Variants in LRP1B observed in about 807,000 individuals in gnomAD.
LRP1B encodes LDL receptor related protein 1B, also known as low-density lipoprotein receptor-related protein 1B.
A neutral mutation model predicts 556.6 loss-of-function variants in LRP1B; 217 were observed. The ratio of observed to expected loss-of-function variants is 0.39; its 90% CI spans 0.35 to 0.44. LRP1B has a LOEUF of 0.44. Ranked by LOEUF, LRP1B falls within the 20% of genes least tolerant of loss-of-function variation. LRP1B has a pLI of 1.00. For missense variants in LRP1B, 5,053 were observed against 5,620.8 expected (o/e 0.90, Z 3.23); for synonymous variants, 2,047 against 1,865.8 (o/e 1.10, Z -2.50).
chr2:141,329,511 G>T (rs1203239527), intron 3 of LRP1B, among the ~76,000 whole-genome samples: 1 of 151,932 alleles, frequency 6.6e-6, no homozygotes, highest in African/African-American at 2.4e-5. Context: ...GGGTGTGGTG[G>T]CGGGCACCTG....
chr2:141,771,000 A>G (rs921207911), intron 2 of LRP1B, among the ~76,000 whole-genome samples: 2 of 152,214 alleles, frequency 1.3e-5, no homozygotes, highest in African/African-American at 4.8e-5. Flanking sequence ...GGATTGAACC[A>G]CTGGACTGAC....
chr2:140,272,745 CAT>C (rs1558762340), intron 85 of LRP1B, among the ~76,000 whole-genome samples: 3 of 151,938 alleles, frequency 2.0e-5, no homozygotes, highest in African/African-American at 7.2e-5. Context: ...AATCATCTAA[CAT>C]GTTTCAGAAA....
At chr2:140,974,769 C>T (rs79026526) in intron 18 of LRP1B, among the ~76,000 whole-genome samples, 292 of 152,310 alleles carry the variant, frequency 1.9e-3, no homozygotes, top group African/African-American at 6.5e-3. Flanking sequence ...CAGAGAGAAA[C>T]CGATATTTGG....
At chr2:141,320,243 T>C (rs1687187518) in intron 3 of LRP1B, among the ~76,000 whole-genome samples, 1 of 152,128 alleles carries the variant, frequency 6.6e-6, no homozygotes, top group Non-Finnish European at 1.5e-5. Context: ...TTTATAATAA[T>C]TATGCAAACC....
chr2:140,611,967 G>A (rs1399673632), intron 41 of LRP1B, among the ~76,000 whole-genome samples: 1 of 152,038 alleles, frequency 6.6e-6, no homozygotes, highest in Non-Finnish European at 1.5e-5. Flanking sequence ...ACCTTAAAAT[G>A]TTTAAATGGA....
At chr2:141,309,394 G>T (rs1686725011) in intron 3 of LRP1B, among the ~76,000 whole-genome samples, 1 of 152,198 alleles carries the variant, frequency 6.6e-6, no homozygotes, top group Non-Finnish European at 1.5e-5. Context: ...TATGTTTGAT[G>T]CTATGGTCTG....
intron 1 of LRP1B, among the ~76,000 whole-genome samples, chr2:141,851,959 G>A (rs1483480799): frequency 6.6e-6 from 1 of 151,718 alleles, no homozygotes; most frequent in African/African-American, 2.4e-5. Flanking sequence ...CAATTTTAAA[G>A]CGGTGGCCCA....
At chr2:140,660,162 G>A (rs1685040293) in intron 41 of LRP1B, among the ~76,000 whole-genome samples, 1 of 151,636 alleles carries the variant, frequency 6.6e-6, no homozygotes, top group African/African-American at 2.4e-5. Flanking sequence ...CTCCTGCTCT[G>A]CAAAAGTGTT....
intron 1 of LRP1B, among the ~76,000 whole-genome samples, chr2:142,038,446 T>G (rs1465043729): frequency 6.6e-6 from 1 of 151,674 alleles, no homozygotes; most frequent in Non-Finnish European, 1.5e-5. Flanking sequence ...GTACATTTAG[T>G]TCTCAAGAAC....
At chr2:141,705,332 T>C (rs1403481378) in intron 2 of LRP1B, among the ~76,000 whole-genome samples, 2 of 151,954 alleles carry the variant, frequency 1.3e-5, no homozygotes, top group Admixed American at 6.6e-5. Flanking sequence ...CATTTCCTCA[T>C]AGGATTTATG....
rs1377200435 is a variant in LRP1B, at chr2:141,338,797, A to T, written c.344-84156T>A. On this transcript the variant is annotated intron_variant, in intron 3 of 90. Coordinates refer to ENST00000389484, the MANE Select transcript of LRP1B (RefSeq NM_018557.3). Reference sequence around the variant, plus strand: ...GTGATCTATATAAAATGAAAATCTTACTCTGTCACGTCTCCATTTAAAGAA... The same window carrying T: ...GTGATCTATATAAAATGAAAATCTTTCTCTGTCACGTCTCCATTTAAAGAA... 2.0e-5 allele frequency among the ~76,000 whole-genome samples: 3 copies of T among 152,012 alleles called. No homozygotes were observed. In the East Asian group the frequency reaches 5.8e-4, roughly 29 times the overall value.
chr2:140,315,555 T>C (rs1427086326), intron 82 of LRP1B, among the ~76,000 whole-genome samples: 1 of 152,044 alleles, frequency 6.6e-6, no homozygotes, highest in African/African-American at 2.4e-5. Flanking sequence ...TGGGACTATA[T>C]TGTGCACCAC....
chr2:140,872,570 G>A (rs77211880), intron 25 of LRP1B, among the ~76,000 whole-genome samples: 1,622 of 151,568 alleles, frequency 0.011, 23 homozygotes, highest in African/African-American at 0.032. Flanking sequence ...TCTACCCAGA[G>A]TTCAAAGGTC....
At chr2:141,370,364 T>A (rs1689186363) in intron 3 of LRP1B, among the ~76,000 whole-genome samples, 1 of 152,232 alleles carries the variant, frequency 6.6e-6, no homozygotes, top group African/African-American at 2.4e-5. Context: ...GGATGATATC[T>A]CATTGTGGTT....
intron 43 of LRP1B, among the ~76,000 whole-genome samples, chr2:140,595,125 T>TCA (rs1682389240): frequency 9.9e-6 from 1 of 100,968 alleles, no homozygotes; most frequent in Non-Finnish European, 2.0e-5. Flanking sequence ...TATATATATA[T>TCA]ATATATATAT....
At chr2:141,888,360 A>G (rs1312093697) in intron 1 of LRP1B, among the ~76,000 whole-genome samples, 2 of 152,204 alleles carry the variant, frequency 1.3e-5, no homozygotes, top group African/African-American at 2.4e-5. Flanking sequence ...AAAAGTTGAT[A>G]GAAAATATTG....
intron 35 of LRP1B, among the ~76,000 whole-genome samples, chr2:140,733,258 G>A (rs916833871): frequency 2.6e-5 from 4 of 152,070 alleles, no homozygotes; most frequent in African/African-American, 9.7e-5. Context: ...ACACATATGA[G>A]GGAGAGTGTG....
intron 86 of LRP1B, among the ~76,000 whole-genome samples, chr2:140,259,461 G>A (rs1452217374): frequency 1.3e-5 from 2 of 151,976 alleles, no homozygotes; most frequent in African/African-American, 2.4e-5. Flanking sequence ...AGATGAGAAA[G>A]CCGATTGAGA....
chr2:141,567,201 G>C (rs1488641736), intron 2 of LRP1B, among the ~76,000 whole-genome samples: 1 of 152,078 alleles, frequency 6.6e-6, no homozygotes, highest in Non-Finnish European at 1.5e-5. Flanking sequence ...TCTAAGGAAA[G>C]GAAACTTATA....
Sources: gnomAD v4.1 joint callset for allele counts (sites outside exome capture counted in the v4.1 genomes callset) on GRCh38, gnomAD v4.1.1 for gene constraint, MANE v1.5 for transcripts, NCBI Gene and HGNC (gene_info 2026-07-23, HGNC 2026-07-21) for gene names.